PRAMEF2: variants seen among roughly 807,000 people sequenced by gnomAD.
PRAMEF2 encodes the protein PRAME family member 2.
A neutral mutation model predicts 38.0 loss-of-function variants in PRAMEF2; 35 were observed. The observed-to-expected ratio is 0.92, with a 90% confidence interval of 0.70 to 1.22. PRAMEF2 has a LOEUF of 1.22. Among genes scored for constraint, PRAMEF2 ranks in the 50% most tolerant of loss-of-function variants. The pLI, the probability that PRAMEF2 is intolerant of heterozygous loss-of-function variation, is 0.00. For missense variants in PRAMEF2, 562 were observed against 553.9 expected, an observed-to-expected ratio of 1.01 and a Z score of -0.15; for synonymous variants, 240 against 232.4, an observed-to-expected ratio of 1.03 and a Z score of -0.30.
rs751401046 is a variant in PRAMEF2, at chr1:12,859,285, G to T, written c.276G>T (p.Lys92Asn). The T allele has an allele frequency of 1.2e-6, 2 of 1,610,020 alleles. No homozygotes were observed. The highest frequency in any genetic ancestry group is 3.4e-5 in the Admixed American group (2 of 58,494). ...GGCTTCATATGCTGCTTACACAGAAGGATCGCCCCAGGTGAGGTGACCCAG... is the reference window on the plus strand; with the variant it reads ...GGCTTCATATGCTGCTTACACAGAATGATCGCCCCAGGTGAGGTGACCCAG... ...LEGLHMLLTQ[K>N]DRPRRWKLQV... Residue 92 changes from lysine (K) to asparagine (N), a missense_variant, in exon 2 of 4, where the codon AAG becomes AAT. By Grantham distance (94) the Lys-to-Asn change is moderately conservative. This residue lies in a region of PRAMEF2 where 486 missense variants were observed against 444.2 expected (regional missense o/e 1.09). Transcript: ENST00000240189.
At position 12,857,339 on chromosome 1, in the gene PRAMEF2, T is replaced by C. The variant is rs542799917; in HGVS notation, c.-26+192T>C. ...CAGATTGTGATTTGTGCTTGGTTTTTGTCATTTTAAAATTCTTATGGAAGC... is the reference window on the plus strand; with the variant it reads ...CAGATTGTGATTTGTGCTTGGTTTTCGTCATTTTAAAATTCTTATGGAAGC... On this transcript the variant is annotated intron_variant, in intron 1 of 3. Coordinates refer to ENST00000240189, the MANE Select transcript of PRAMEF2 (RefSeq NM_023014.1). Among the ~76,000 whole-genome samples the C allele has an allele frequency of 2.7e-5, 4 of 150,038 alleles. No individual in the cohort carries two copies. The East Asian group carries it at 7.8e-4, about 29-fold the overall frequency.
At chr1:12,860,373 T>C in intron 3 of PRAMEF2, 102 bp downstream of exon 3, 1 of 1,547,782 alleles carries the variant, frequency 6.5e-7, no homozygotes, top group Non-Finnish European at 8.8e-7. Context: ...AGTGGCAACG[T>C]CACAGTGAAG....
At chr1:12,858,610 T>C (rs1391979484) in intron 1 of PRAMEF2, among the ~76,000 whole-genome samples, 2 of 150,110 alleles carry the variant, frequency 1.3e-5, no homozygotes, top group Non-Finnish European at 3.0e-5. Context: ...ATGGAGGCTG[T>C]CTGGGCCCAC....
intron 1 of PRAMEF2, among the ~76,000 whole-genome samples, chr1:12,857,757 T>C (rs1640471613): frequency 7.1e-6 from 1 of 141,810 alleles, no homozygotes; most frequent in South Asian, 2.2e-4. Flanking sequence ...TGGAGTGCCA[T>C]GGTGTGGTTT....
intron 2 of PRAMEF2, 51 bp downstream of exon 2, chr1:12,859,347 GAACA>G (rs757142664): frequency 6.2e-7 from 1 of 1,605,960 alleles, no homozygotes; most frequent in Non-Finnish European, 8.5e-7. Flanking sequence ...TCCAGGGAAA[GAACA>G]GCAGGGTCAG....
rs1431278969 is a variant in PRAMEF2 at position 12,861,401 on chromosome 1, CT to C, written c.1048del (p.Ser350LeufsTer7). ...GAGCTCTGCTAGAGAAAATTGCTGC[CT>C]CTCTCGAGACCCTCGTGTTAGAGGG... Reference protein sequence around the residue: ...LGALLEKIAASLETLVLEGCQ... With the variant: ...LGALLEKIAAXLETLVLEGCQ... On this transcript the variant is annotated frameshift_variant, in exon 4 of 4. Coordinates refer to ENST00000240189, the MANE Select transcript of PRAMEF2 (RefSeq NM_023014.1). LOFTEE classifies it high-confidence loss of function. 1.2e-6 allele frequency: 2 copies of C among 1,603,290 alleles called. 1 individual carries two copies. The highest frequency in any genetic ancestry group is 2.2e-5 in the South Asian group (2 of 90,216).
At position 12,859,978 on chromosome 1, in the gene PRAMEF2, A is replaced by T. The variant is rs150145103; in HGVS notation, c.573A>T (p.Pro191=). 85 of 1,607,918 alleles carry T rather than the reference A, an allele frequency of 5.3e-5. 7 individuals are homozygous for T. The African/African-American group carries it at 9.7e-4, about 18-fold the overall frequency. The stretch of plus-strand genomic sequence containing the variant: ...GTAAGCTGGTCAATTATCTAACGCC[A>T]ATTAAATATCTCAGAAAGTCATTGA... ...CCSKLVNYLT[P]IKYLRKSLKI... is the part of the protein sequence containing the mutation. The change falls in exon 3 of 4, where the codon CCA becomes CCT. Residue 191 remains proline (P), a synonymous_variant. Coordinates refer to ENST00000240189, the MANE Select transcript of PRAMEF2 (RefSeq NM_023014.1).
At position 12,859,627 on chromosome 1, in the gene PRAMEF2, G is replaced by C. The variant is rs76110183; in HGVS notation, c.288-66G>C. The C allele has an allele frequency of 2.1e-4, 334 of 1,596,278 alleles. 11 individuals are homozygous for C. Among genetic ancestry groups the C allele is most frequent in the African/African-American group, 8.8e-4 (65 of 74,148 alleles). Reference sequence around the variant, plus strand: ...CAGGAGCAGCTGATTTATGGGATGAGAATGAAAGCAAAGGTCAGGGATGAG... The same window carrying C: ...CAGGAGCAGCTGATTTATGGGATGACAATGAAAGCAAAGGTCAGGGATGAG... On this transcript the variant is annotated intron_variant, in intron 2 of 3. Coordinates refer to ENST00000240189, the MANE Select transcript of PRAMEF2 (RefSeq NM_023014.1).
At chr1:12,859,611 C>A in intron 2 of PRAMEF2, 82 bp from the exon 3 acceptor site, 2 of 1,582,384 alleles carry the variant, frequency 1.3e-6, no homozygotes, top group South Asian at 2.3e-5. Flanking sequence ...ACAGGAGCAG[C>A]TGATTTATGG....
chr1:12,858,965 T>C lies in PRAMEF2; in HGVS notation c.-25-20T>C. On this transcript the variant is annotated intron_variant, in intron 1 of 3. Transcript: ENST00000240189. Reference sequence around the variant, plus strand: ...TGTTTGCCCTGAGAGTGATACATTCTCCCTGGATTTGTCTTCTAGAGATTT... The same window carrying C: ...TGTTTGCCCTGAGAGTGATACATTCCCCCTGGATTTGTCTTCTAGAGATTT... 1 of 1,586,000 alleles carries C rather than the reference T, an allele frequency of 6.3e-7. No individual in the cohort carries two copies. The highest frequency in any genetic ancestry group is 1.4e-5 in the African/African-American group (1 of 73,404).
rs1640543444 is a variant in PRAMEF2, at chr1:12,861,244, A to G, written c.890A>G (p.Asn297Ser). 6 of 1,607,694 alleles carry G rather than the reference A, an allele frequency of 3.7e-6. No homozygotes were observed. The highest frequency in any genetic ancestry group is 5.1e-6 in the Non-Finnish European group (6 of 1,176,772). ...LIRCLQNPLE[N>S]LELTCGNLLE... ...AGGTGCCTCCAGAACCCCTTGGAGA[A>G]CTTGGAATTAACTTGTGGCAACCTA... is the stretch of plus-strand genomic sequence containing the variant. Residue 297 changes from asparagine (N) to serine (S), a missense_variant, in exon 4 of 4, where the codon AAC becomes AGC. Asn to Ser is a conservative substitution (Grantham distance 46, BLOSUM62 1). Around this residue, in one of 2 missense-constraint regions of PRAMEF2, gnomAD observed 486 missense variants for 444.2 expected, o/e 1.09. Coordinates refer to ENST00000240189, the MANE Select transcript of PRAMEF2 (RefSeq NM_023014.1).
intron 3 of PRAMEF2, 28 bp from the exon 4 acceptor site, chr1:12,861,192 GC>G: frequency 6.3e-7 from 1 of 1,595,074 alleles, no homozygotes; most frequent in South Asian, 1.1e-5. Context: ...TGGTACCATT[GC>G]CCAGAACTAA....
rs1165647737 is a variant in PRAMEF2 at position 12,859,972 on chromosome 1, A to G, written c.567A>G (p.Leu189=). Residue 189 remains leucine (L), a synonymous_variant, in exon 3 of 4, where the codon CTA becomes CTG. Transcript: ENST00000240189. ...GCTGTAGTAAGCTGGTCAATTATCT[A>G]ACGCCAATTAAATATCTCAGAAAGT... is the stretch of plus-strand genomic sequence containing the variant. ...HLCCSKLVNY[L]TPIKYLRKSL... is the part of the protein sequence containing the mutation. The G allele has an allele frequency of 6.2e-7, 1 of 1,607,970 alleles. No individual in the cohort carries two copies. The highest frequency in any genetic ancestry group is 8.5e-7 in the Non-Finnish European group (1 of 1,176,950).
Position 12,861,476 on chromosome 1 carries a change from C to T in PRAMEF2, c.1122C>T (p.Ser374=), listed in dbSNP as rs1216062376. The T allele has an allele frequency of 1.9e-6, 3 of 1,605,972 alleles. No homozygotes were observed. The highest frequency in any genetic ancestry group is 2.5e-6 in the Non-Finnish European group (3 of 1,177,410). Residue 374 remains serine (S), a synonymous_variant, in exon 4 of 4, where the codon AGC becomes AGT. Coordinates refer to ENST00000240189, the MANE Select transcript of PRAMEF2 (RefSeq NM_023014.1). ...TCAGTGCCATCCTGCCTGGCCTGAG[C>T]TGCTGCTCCCAGCTCACCACCTTCT... ...SQLSAILPGL[S]CCSQLTTFYF...
intron 3 of PRAMEF2, 129 bp from the exon 4 acceptor site, chr1:12,861,092 T>C: frequency 8.9e-7 from 1 of 1,129,226 alleles, no homozygotes; most frequent in Non-Finnish European, 1.3e-6. Context: ...GCAACTTCCA[T>C]GAGGACCATC....
At chr1:12,859,634 A>C in intron 2 of PRAMEF2, 59 bp from the exon 3 acceptor site, 1 of 1,600,224 alleles carries the variant, frequency 6.2e-7, no homozygotes, top group Non-Finnish European at 8.5e-7. Context: ...TGAGAATGAA[A>C]GCAAAGGTCA....
rs762310161 is a variant in PRAMEF2, at chr1:12,859,836, A to G, written c.431A>G (p.His144Arg). ...TAEDCPRTGE[H>R]QPLKVFIDIC... Reference sequence around the variant, plus strand: ...GAGGACTGTCCAAGGACGGGAGAGCACCAGCCCTTAAAGGTGTTCATAGAC... The same window carrying G: ...GAGGACTGTCCAAGGACGGGAGAGCGCCAGCCCTTAAAGGTGTTCATAGAC... The change falls in exon 3 of 4, where the codon CAC (histidine) becomes CGC (arginine). Residue 144 changes from histidine to arginine, a missense_variant. His to Arg is a conservative substitution (Grantham distance 29). Transcript: ENST00000240189. The G allele has an allele frequency of 8.1e-6, 13 of 1,607,410 alleles. No individual in the cohort carries two copies. The highest frequency in any genetic ancestry group is 2.2e-5 in the East Asian group (1 of 44,818).
chr1:12,860,386 A>C (rs60887327), intron 3 of PRAMEF2, 115 bp downstream of exon 3: 4 of 1,509,718 alleles, frequency 2.6e-6, no homozygotes, highest in Admixed American at 1.9e-5. Flanking sequence ...CAGTGAAGGG[A>C]ACACCAGAAT....
rs368144271 is a variant in PRAMEF2, at chr1:12,861,366, G to T, written c.1012G>T (p.Glu338Ter). 2.5e-6 allele frequency: 4 copies of T among 1,606,256 alleles called. No individual in the cohort carries two copies. Among genetic ancestry groups the T allele is most frequent in the Non-Finnish European group, 2.6e-6 (3 of 1,176,356 alleles). ...CGTGCTGCTGTTCCGCATCAGTCTT[G>T]AACCCCTAGGAGCTCTGCTAGAGAA... ...SYVLLFRISL[E>*]PLGALLEKIA... Residue 338 changes from glutamate (E) to a stop codon, truncating the protein, a stop_gained, in exon 4 of 4, where the codon GAA (glutamate) becomes TAA (stop). Coordinates refer to ENST00000240189, the MANE Select transcript of PRAMEF2 (RefSeq NM_023014.1). LOFTEE classifies it high-confidence loss of function.
Sources: gnomAD v4.1 joint callset for allele counts (sites outside exome capture counted in the v4.1 genomes callset) on GRCh38, gnomAD v4.1.1 for gene constraint, gnomAD v4.1.1 regional missense constraint, MANE v1.5 for transcripts, NCBI Gene and HGNC (gene_info 2026-07-23, HGNC 2026-07-21) for gene names.